Variants in AARS1 observed in about 807,000 individuals in gnomAD.
The protein encoded by AARS1 is alanine--tRNA ligase, cytoplasmic.
A neutral mutation model predicts 108.9 loss-of-function variants in AARS1; 72 were observed. The observed-to-expected ratio is 0.66, with a 90% confidence interval of 0.55 to 0.80. The LOEUF is 0.80. Among genes scored for constraint, AARS1 ranks in the 30% least tolerant of loss-of-function variants. AARS1 has a pLI of 0.00. For missense variants in AARS1, 1,193 were observed against 1,233.2 expected (o/e 0.97, Z 0.49); for synonymous variants, 489 against 465.7 (o/e 1.05, Z -0.64).
At position 70,282,734 on chromosome 16, in the gene AARS1, G is replaced by A; in HGVS notation, c.30C>T (p.Ile10=). Residue 10 remains isoleucine, a synonymous_variant, in exon 2 of 21, where the codon ATC becomes ATT. Coordinates refer to ENST00000261772, the MANE Select transcript of AARS1 (RefSeq NM_001605.3). Reference sequence around the variant, plus strand: ...TGAAGAAATCTATAAATCGCTGCCGGATTTCACTTGCTGTTAGAGTAGAGT... The same window carrying A: ...TGAAGAAATCTATAAATCGCTGCCGAATTTCACTTGCTGTTAGAGTAGAGT... MDSTLTASE[I]RQRFIDFFKR... 2 of 1,614,052 alleles carry A rather than the reference G, an allele frequency of 1.2e-6. No homozygotes were observed. Among genetic ancestry groups the A allele is most frequent in the Non-Finnish European group, 1.7e-6 (2 of 1,180,016 alleles).
chr16:70,285,618 T>C (rs527842484), intron 1 of AARS1, among the ~76,000 whole-genome samples: 1 of 152,214 alleles, frequency 6.6e-6, no homozygotes, highest in East Asian at 1.9e-4. Flanking sequence ...CCAGCTAATG[T>C]TTGTATTTTT....
intron 4 of AARS1, among the ~76,000 whole-genome samples, chr16:70,273,498 G>A (rs1015896909): frequency 3.3e-5 from 5 of 152,028 alleles, no homozygotes; most frequent in African/African-American, 1.2e-4. Flanking sequence ...CAGGTAGATC[G>A]CTTGAGCTCA....
In AARS1 at chr16:70,258,213, A is replaced by G. The variant is rs145056270; in HGVS notation, c.1997T>C (p.Val666Ala). The G allele has an allele frequency of 2.5e-6, 4 of 1,589,084 alleles. No individual in the cohort carries two copies. Among genetic ancestry groups the G allele is most frequent in the African/African-American group, 2.7e-5 (2 of 74,346 alleles). Residue 666 changes from valine to alanine, a missense_variant, in exon 15 of 21, where the codon GTC (valine) becomes GCC (alanine). Coordinates refer to ENST00000261772, the MANE Select transcript of AARS1 (RefSeq NM_001605.3). ...ANEMIEAAKA[V>A]YTQDCPLAAA... The stretch of plus-strand genomic sequence containing the variant: ...TGCCAGGGGGCAATCCTGGGTATAG[A>G]CGGCCTGCCAGACCAAGAAGACAGA...
chr16:70,262,995 A>AAAAAAAAAAAAAAAC (rs1174659809), intron 11 of AARS1, among the ~76,000 whole-genome samples: 6 of 128,676 alleles, frequency 4.7e-5, no homozygotes, highest in Non-Finnish European at 6.0e-5. Flanking sequence ...AAAAAAAAAA[A>AAAAAAAAAAAAAAAC]AAACAACAAC....
rs746998154 is a variant in AARS1 at position 70,254,616 on chromosome 16, C to T, written c.2400+5G>A. 2 of 1,607,786 alleles carry T rather than the reference C, an allele frequency of 1.2e-6. No individual in the cohort carries two copies. The highest frequency in any genetic ancestry group is 1.3e-5 in the African/African-American group (1 of 74,806). Reference sequence around the variant, plus strand: ...TGAGGACGGAGGGAGGGAAGCCGCCCCTACCTCTCCAAGGTCAGCGATCTC... The same window carrying T: ...TGAGGACGGAGGGAGGGAAGCCGCCTCTACCTCTCCAAGGTCAGCGATCTC... On this transcript the variant is annotated splice_donor_5th_base_variant and intron_variant, in intron 17 of 20. Transcript: ENST00000261772.
Position 70,253,315 on chromosome 16 carries a change from C to G in AARS1, c.2674G>C (p.Val892Leu). 6.2e-7 allele frequency: 1 copy of G among 1,614,206 alleles called. No individual in the cohort carries two copies. Among genetic ancestry groups the G allele is most frequent in the Non-Finnish European group, 8.5e-7 (1 of 1,180,026 alleles). Residue 892 changes from valine to leucine, a missense_variant, in exon 20 of 21, where the codon GTG becomes CTG. Val to Leu is a conservative substitution (Grantham distance 32, BLOSUM62 1). Transcript: ENST00000261772. ...GTGATCTTGCCAGCCTCATTGTCCA[C>G]CGTGAAGAGCATGGCAGAAGTCTGA... The part of the protein sequence containing the change: ...SPQTSAMLFT[V>L]DNEAGKITCL...
chr16:70,267,182 T>C (rs774671342), intron 9 of AARS1, among the ~76,000 whole-genome samples: 5 of 152,208 alleles, frequency 3.3e-5, no homozygotes, highest in African/African-American at 4.8e-5. Context: ...TTGTGAAAAT[T>C]CATCAAGCTT....
chr16:70,257,434 A>C (rs1046446338), intron 15 of AARS1, among the ~76,000 whole-genome samples: 16 of 152,186 alleles, frequency 1.1e-4, no homozygotes, highest in Admixed American at 5.9e-4. Context: ...AACAAAAAAA[A>C]CCACAATTCT....
At chr16:70,263,172 GCAT>G (rs936336565) in intron 11 of AARS1, among the ~76,000 whole-genome samples, 1 of 151,946 alleles carries the variant, frequency 6.6e-6, no homozygotes, top group Non-Finnish European at 1.5e-5. Flanking sequence ...GAAACTTGGT[GCAT>G]CAGATTAGTA....
At position 70,262,455 on chromosome 16, in the gene AARS1, G is replaced by A; in HGVS notation, c.1562C>T (p.Thr521Ile). ...REKMFVEEVS[T>I]GQECGVVLDK... Reference sequence around the variant, plus strand: ...CAGCACCACTCCACACTCCTGGCCTGTGGACACCTCTTCCACGAACATCTT... The same window carrying A: ...CAGCACCACTCCACACTCCTGGCCTATGGACACCTCTTCCACGAACATCTT... Residue 521 changes from threonine to isoleucine, a missense_variant, in exon 12 of 21, where the codon ACA becomes ATA. By Grantham distance (89) the Thr-to-Ile change is moderately conservative. Transcript: ENST00000261772. The A allele has an allele frequency of 5.0e-6, 8 of 1,614,172 alleles. No homozygotes were observed. Among genetic ancestry groups the A allele is most frequent in the Non-Finnish European group, 6.8e-6 (8 of 1,180,022 alleles).
rs758674184 is a variant in AARS1 at position 70,277,122 on chromosome 16, T to C, written c.177A>G (p.Pro59=). 38 of 1,613,966 alleles carry C rather than the reference T, an allele frequency of 2.4e-5. No homozygotes were observed. In the South Asian group the frequency reaches 4.1e-4, roughly 17 times the overall value. ...TGCTCAGCTTTGCCATGGGGTGAGA[T>C]GGGTCAATTGTGTTCAGGAAAATGG... ...FKPIFLNTID[P]SHPMAKLSRA... Residue 59 remains proline, a synonymous_variant, in exon 3 of 21, where the codon CCA becomes CCG. Transcript: ENST00000261772.
intron 11 of AARS1, among the ~76,000 whole-genome samples, chr16:70,264,519 G>A (rs1960218412): frequency 6.6e-6 from 1 of 151,922 alleles, no homozygotes; most frequent in Admixed American, 6.6e-5. Context: ...GTTTCATCAT[G>A]TTGGTCAGGC....
rs755566119 is a variant in AARS1, at chr16:70,271,701, G to C, written c.671+80C>G. Reference sequence around the variant, plus strand: ...GAAATAAAGAAATGAGCTTTTAGCTGAGAAGAGAGCTACACAGCTCCGAGT... The same window carrying C: ...GAAATAAAGAAATGAGCTTTTAGCTCAGAAGAGAGCTACACAGCTCCGAGT... On this transcript the variant is annotated intron_variant, in intron 5 of 20. Transcript: ENST00000261772. The C allele has an allele frequency of 5.3e-4, 749 of 1,404,134 alleles. 2 individuals are homozygous for C. Among genetic ancestry groups the C allele is most frequent in the Non-Finnish European group, 3.9e-4 (391 of 995,156 alleles). 87.0% of individuals were successfully genotyped at this position (1,404,134 alleles called of 1,614,324 possible). A position where few individuals can be genotyped will look rare whatever the true frequency, so the allele number is the denominator to read the frequency against.
chr16:70,255,624 TCTGA>T, intron 16 of AARS1, 100 bp downstream of exon 16: 1 of 1,072,050 alleles, frequency 9.3e-7, no homozygotes. Context: ...GTACTTTCAC[TCTGA>T]CTGCAGCAGC....
In AARS1 at chr16:70,275,936, C is replaced by CAAAAAAAAAAAA. The variant is rs59002209; in HGVS notation, c.479+538_479+549dup. 2.4e-3 allele frequency: 90 copies of CAAAAAAAAAAAA among 37,922 alleles called. 4 individuals are homozygous for CAAAAAAAAAAAA. Among genetic ancestry groups the CAAAAAAAAAAAA allele is most frequent in the African/African-American group, 9.3e-3 (88 of 9,420 alleles). 2.3% of individuals were successfully genotyped at this position (37,922 alleles called of 1,614,324 possible). On this transcript the variant is annotated intron_variant, in intron 4 of 20. Transcript: ENST00000261772. ...TGGGAGACAGAGCAAGACTCCATCTCAAAAAAAAAAAAAAAAAAAAAAAAA... is the reference window on the plus strand; with the variant it reads ...TGGGAGACAGAGCAAGACTCCATCTCAAAAAAAAAAAAAAAAAAAAAAAAAAAAAAAAAAAAA...
chr16:70,272,778 T>TG (rs11418378), intron 4 of AARS1, among the ~76,000 whole-genome samples: 10,515 of 150,012 alleles, frequency 0.07, 1,240 homozygotes, highest in African/African-American at 0.24. Flanking sequence ...AAAAATTAGC[T>TG]GGGGGGGTGA....
chr16:70,286,225 C>T (rs1399972773), intron 1 of AARS1, among the ~76,000 whole-genome samples: 1 of 152,042 alleles, frequency 6.6e-6, no homozygotes, highest in African/African-American at 2.4e-5. Context: ...AACATAAACT[C>T]ATTGATTTAT....
chr16:70,283,111 A>C (rs1403676222), intron 1 of AARS1, among the ~76,000 whole-genome samples: 2 of 152,158 alleles, frequency 1.3e-5, no homozygotes, highest in East Asian at 3.9e-4. Context: ...AGAAAAAAAG[A>C]GGGACAGCCA....
At chr16:70,262,605 C>T (rs544138725) in intron 11 of AARS1, 81 bp from the exon 12 acceptor site, 1 of 1,387,288 alleles carries the variant, frequency 7.2e-7, no homozygotes, top group African/African-American at 1.4e-5. Flanking sequence ...TTGCTGGATT[C>T]TCTTTCGCAA....
Sources: gnomAD v4.1 joint callset for allele counts (sites outside exome capture counted in the v4.1 genomes callset) on GRCh38, gnomAD v4.1.1 for gene constraint, MANE v1.5 for transcripts, NCBI Gene and HGNC (gene_info 2026-07-23, HGNC 2026-07-21) for gene names.